The following OTUD7A variants were observed in gnomAD, a reference collection of about 807,000 sequenced individuals.
OTUD7A encodes the protein OTU domain-containing protein 7A.
Under a neutral mutation model 65.7 loss-of-function variants are expected in OTUD7A, and 12 were observed. That is an observed-to-expected ratio of 0.18 (90% confidence interval 0.12 to 0.30). OTUD7A has a LOEUF of 0.30. Ranked by LOEUF, OTUD7A falls within the 10% of genes least tolerant of loss-of-function variation. The pLI is 1.00. For missense variants in OTUD7A, 1,148 were observed against 1,304.8 expected, an observed-to-expected ratio of 0.88 and a Z score of 1.85; for synonymous variants, 641 against 586.3, an observed-to-expected ratio of 1.09 and a Z score of -1.35.
chr15:31,542,052 T>C (rs934332653), intron 5 of OTUD7A, among the ~76,000 whole-genome samples: 5 of 152,086 alleles, frequency 3.3e-5, no homozygotes, highest in Non-Finnish European at 5.9e-5. Flanking sequence ...GTAATTCCTC[T>C]TGGGAAACTG....
At chr15:31,532,468 A>G (rs1201653108) in intron 5 of OTUD7A, among the ~76,000 whole-genome samples, 1 of 152,122 alleles carries the variant, frequency 6.6e-6, no homozygotes, top group Non-Finnish European at 1.5e-5. Context: ...GAGAAAAAGA[A>G]TCAGTGTAAT....
intron 1 of OTUD7A, among the ~76,000 whole-genome samples, chr15:31,744,324 A>C (rs1285523740): frequency 6.6e-6 from 1 of 152,162 alleles, no homozygotes; most frequent in Non-Finnish European, 1.5e-5. Flanking sequence ...ACAGATCAAC[A>C]ACCAACATGA....
intron 3 of OTUD7A, among the ~76,000 whole-genome samples, chr15:31,631,437 A>G (rs1387383435): frequency 1.3e-5 from 2 of 152,194 alleles, no homozygotes; most frequent in Non-Finnish European, 2.9e-5. Context: ...TCTGGCTTGT[A>G]GAGTTTCTGC....
intron 1 of OTUD7A, among the ~76,000 whole-genome samples, chr15:31,694,697 A>G (rs988005903): frequency 5.9e-5 from 9 of 152,232 alleles, no homozygotes; most frequent in South Asian, 2.1e-4. Flanking sequence ...GATTCCACAC[A>G]TAAGTGAGAT....
intron 1 of OTUD7A, among the ~76,000 whole-genome samples, chr15:31,743,745 AAAAAAG>A (rs971183116): frequency 2.8e-5 from 4 of 143,518 alleles, no homozygotes; most frequent in Non-Finnish European, 6.3e-5. Context: ...CATCTCAAAA[AAAAAAG>A]AAAAGAAAAG....
intron 10 of OTUD7A, among the ~76,000 whole-genome samples, chr15:31,499,478 G>T (rs1181181996): frequency 6.6e-6 from 1 of 152,228 alleles, no homozygotes; most frequent in Non-Finnish European, 1.5e-5. Flanking sequence ...GCTCATCCTG[G>T]AAGCTGCAGC....
At chr15:31,616,252 C>T (rs778290775) in intron 3 of OTUD7A, among the ~76,000 whole-genome samples, 3 of 152,104 alleles carry the variant, frequency 2.0e-5, no homozygotes, top group South Asian at 2.1e-4. Flanking sequence ...AGTAATAAAC[C>T]GTCTGCATCT....
At chr15:31,803,999 C>CAT (rs1469982568) in intron 1 of OTUD7A, among the ~76,000 whole-genome samples, 1 of 152,146 alleles carries the variant, frequency 6.6e-6, no homozygotes, top group Non-Finnish European at 1.5e-5. Context: ...GTGGGTACAT[C>CAT]AGATGCCTCC....
chr15:31,695,930 T>C (rs1281353087), intron 1 of OTUD7A, among the ~76,000 whole-genome samples: 1,724 of 151,224 alleles, frequency 0.011, no homozygotes, highest in African/African-American at 0.04. Flanking sequence ...CTAACTTCTC[T>C]CAGGTAAATT....
At position 31,738,023 on chromosome 15, in the gene OTUD7A, A is replaced by G. The variant is rs927756727; in HGVS notation, c.-99-80946T>C. On this transcript the variant is annotated intron_variant, in intron 1 of 12. Transcript: ENST00000307050. ...GTATAAATTGGGTGGTATTATTAAC[A>G]TTTTTTAGCTTCTTTTCATTGTTTC... 6.6e-5 allele frequency among the ~76,000 whole-genome samples: 10 copies of G among 152,326 alleles called. No individual in the cohort carries two copies. In the South Asian group the frequency reaches 2.1e-3, roughly 32 times the overall value.
intron 5 of OTUD7A, among the ~76,000 whole-genome samples, chr15:31,545,942 G>GA (rs200066969): frequency 6.7e-4 from 101 of 151,538 alleles, no homozygotes; most frequent in African/African-American, 2.0e-3. Context: ...AAATAATCCA[G>GA]AAAAAAAAAT....
At chr15:31,862,801 T>C (rs1194690177) in intron 1 of OTUD7A, among the ~76,000 whole-genome samples, 3 of 152,134 alleles carry the variant, frequency 2.0e-5, no homozygotes, top group East Asian at 1.9e-4. Context: ...TCAAAACCAA[T>C]TGTGCCTTCC....
intron 3 of OTUD7A, among the ~76,000 whole-genome samples, chr15:31,617,800 T>G (rs1272532178): frequency 6.6e-6 from 1 of 152,162 alleles, no homozygotes; most frequent in African/African-American, 2.4e-5. Flanking sequence ...TTATTATACT[T>G]TAAGTTCTAG....
intron 3 of OTUD7A, among the ~76,000 whole-genome samples, chr15:31,596,304 C>T (rs549174720): frequency 5.9e-5 from 9 of 152,322 alleles, no homozygotes; most frequent in Non-Finnish European, 1.2e-4. Flanking sequence ...TGTGTTGCAG[C>T]ATGCATCAGT....
intron 1 of OTUD7A, among the ~76,000 whole-genome samples, chr15:31,688,830 C>T (rs1242871176): frequency 1.3e-5 from 2 of 150,594 alleles, no homozygotes; most frequent in African/African-American, 2.4e-5. Flanking sequence ...CGGGTGTTCA[C>T]TTTTCTATTC....
intron 3 of OTUD7A, among the ~76,000 whole-genome samples, chr15:31,575,799 C>T (rs1051256722): frequency 6.6e-6 from 1 of 152,200 alleles, no homozygotes; most frequent in African/African-American, 2.4e-5. Context: ...GGAACTACAT[C>T]CTCCCATGTG....
chr15:31,558,938 G>C (rs1888590032), intron 5 of OTUD7A, 31 bp downstream of exon 5: 2 of 1,608,448 alleles, frequency 1.2e-6, no homozygotes, highest in African/African-American at 2.7e-5. Flanking sequence ...CAAGCCTAAA[G>C]AGGGTGGGCC....
chr15:31,616,692 C>T (rs1464091737), intron 3 of OTUD7A, among the ~76,000 whole-genome samples: 1 of 152,094 alleles, frequency 6.6e-6, no homozygotes, highest in Non-Finnish European at 1.5e-5. Flanking sequence ...TACAGACAAC[C>T]ACCACTGTGC....
intron 1 of OTUD7A, among the ~76,000 whole-genome samples, chr15:31,663,072 A>T (rs576530459): frequency 1.4e-3 from 148 of 103,706 alleles, no homozygotes; most frequent in African/African-American, 4.1e-3. Context: ...TTTTTTTTTG[A>T]GATGGAGTAT....
Sources: gnomAD v4.1 joint callset for allele counts (sites outside exome capture counted in the v4.1 genomes callset) on GRCh38, gnomAD v4.1.1 for gene constraint, MANE v1.5 for transcripts, NCBI Gene and HGNC (gene_info 2026-07-23, HGNC 2026-07-21) for gene names.